GPC3: variants seen among roughly 807,000 people sequenced by gnomAD.
GPC3 encodes glypican 3.
GPC3 carries 3 observed loss-of-function variants against 34.4 expected under a neutral mutation model. The observed-to-expected ratio is 0.09, with a 90% confidence interval of 0.04 to 0.23. The LOEUF is 0.23. Ranked by LOEUF, GPC3 falls within the 10% of genes least tolerant of loss-of-function variation. The probability of loss-of-function intolerance (pLI) is 1.00; values close to 1 mark genes in which losing one functional copy is unlikely to be tolerated. For missense variants in GPC3, 351 were observed against 445.6 expected, an observed-to-expected ratio of 0.79 and a Z score of 1.91; for synonymous variants, 177 against 174.0, an observed-to-expected ratio of 1.02 and a Z score of -0.13.
chrX:133,879,029 A>C (rs2076029724), intron 2 of GPC3, among the ~76,000 whole-genome samples: 2 of 111,156 alleles, frequency 1.8e-5, no homozygotes, highest in African/African-American at 6.5e-5. Context: ...ATATAAGACA[A>C]ATATAGGGAA....
At chrX:133,942,168 A>C (rs1321074794) in intron 2 of GPC3, among the ~76,000 whole-genome samples, 1 of 112,228 alleles carries the variant, frequency 8.9e-6, no homozygotes, top group Non-Finnish European at 1.9e-5. Context: ...TAAAAGTTAA[A>C]GTATTTAAAA....
intron 2 of GPC3, among the ~76,000 whole-genome samples, chrX:133,813,927 G>C (rs893779487): frequency 1.8e-5 from 2 of 112,141 alleles, no homozygotes; most frequent in African/African-American, 6.5e-5. Context: ...TGGATGGCCT[G>C]CATCATATAA....
intron 6 of GPC3, among the ~76,000 whole-genome samples, chrX:133,609,320 T>C (rs1051705793): frequency 8.9e-6 from 1 of 112,515 alleles, no homozygotes; most frequent in African/African-American, 3.2e-5. Flanking sequence ...AGTTATATTC[T>C]GCAGCTACCA....
intron 2 of GPC3, among the ~76,000 whole-genome samples, chrX:133,882,399 C>T (rs1044348157): frequency 1.8e-5 from 2 of 111,549 alleles, no homozygotes; most frequent in Non-Finnish European, 3.8e-5. Context: ...ATTTTTGCTC[C>T]TGAAAGACAC....
intron 7 of GPC3, among the ~76,000 whole-genome samples, chrX:133,550,371 C>T (rs1367881907): frequency 9.0e-6 from 1 of 111,296 alleles, no homozygotes; most frequent in African/African-American, 3.3e-5. Flanking sequence ...AGGAAGCCTT[C>T]CCTTCTCACT....
chrX:133,931,073 T>C (rs775959400), intron 2 of GPC3, among the ~76,000 whole-genome samples: 2 of 112,108 alleles, frequency 1.8e-5, no homozygotes, highest in Non-Finnish European at 3.8e-5. Flanking sequence ...GTTCAAGTCA[T>C]GGCAAGGTAC....
chrX:133,553,221 C>T (rs1459978882), intron 7 of GPC3, among the ~76,000 whole-genome samples: 1 of 111,326 alleles, frequency 9.0e-6, no homozygotes. Flanking sequence ...ACAAATACAT[C>T]GTGTGATTGG....
intron 6 of GPC3, among the ~76,000 whole-genome samples, chrX:133,615,742 T>C (rs2070155436): frequency 9.4e-6 from 1 of 106,637 alleles, no homozygotes; most frequent in East Asian, 2.9e-4. Context: ...ATCCTAGAAC[T>C]TCAGGTATAA....
chrX:133,793,973 T>C (rs1364498504), intron 2 of GPC3, among the ~76,000 whole-genome samples: 5 of 111,821 alleles, frequency 4.5e-5, no homozygotes, highest in Non-Finnish European at 9.4e-5. Context: ...CCTTTTAGCA[T>C]CACTTAAACT....
intron 6 of GPC3, among the ~76,000 whole-genome samples, chrX:133,632,000 G>A (rs1162630060): frequency 9.0e-6 from 1 of 111,188 alleles, no homozygotes; most frequent in Non-Finnish European, 1.9e-5. Flanking sequence ...ATGTGTGTGT[G>A]TGCATGCATG....
At chrX:133,768,307 C>A (rs1050271099) in intron 2 of GPC3, among the ~76,000 whole-genome samples, 1 of 111,580 alleles carries the variant, frequency 9.0e-6, no homozygotes, top group Non-Finnish European at 1.9e-5. Context: ...ACTCCATGGA[C>A]CTTTTCATGA....
At chrX:133,598,363 A>T (rs1283251750) in intron 6 of GPC3, among the ~76,000 whole-genome samples, 1 of 108,187 alleles carries the variant, frequency 9.2e-6, no homozygotes. Context: ...AGGTCTCACT[A>T]TGTTGCCCAG....
chrX:133,640,743 C>T (rs972758372), intron 6 of GPC3, among the ~76,000 whole-genome samples: 1 of 112,327 alleles, frequency 8.9e-6, no homozygotes, highest in African/African-American at 3.2e-5. Context: ...TTATTTCATA[C>T]CCTCTATTTT....
chrX:133,772,625 G>A (rs2071934959), intron 2 of GPC3, among the ~76,000 whole-genome samples: 1 of 111,846 alleles, frequency 8.9e-6, no homozygotes, highest in African/African-American at 3.3e-5. Flanking sequence ...AATCTGGGTT[G>A]AGTATCATGG....
At chrX:133,763,015 G>A in intron 2 of GPC3, 2 of 738,163 alleles carry the variant, frequency 2.7e-6, no homozygotes, top group South Asian at 2.1e-5. Context: ...CCCTGCTGAT[G>A]TCAGTGTCAT....
At chrX:133,563,511 A>C (rs2069556600) in intron 7 of GPC3, among the ~76,000 whole-genome samples, 1 of 112,557 alleles carries the variant, frequency 8.9e-6, no homozygotes, top group Non-Finnish European at 1.9e-5. Context: ...TTTTGCTCAA[A>C]AGAGAAAATA....
chrX:133,858,941 C>T (rs1603261216), intron 2 of GPC3, among the ~76,000 whole-genome samples: 1 of 109,266 alleles, frequency 9.2e-6, no homozygotes, highest in East Asian at 2.9e-4. Context: ...ATTAGCCGGG[C>T]ATGGTGGCAG....
chrX:133,969,416 C>A (rs1015006641), intron 1 of GPC3, among the ~76,000 whole-genome samples: 1 of 112,034 alleles, frequency 8.9e-6, no homozygotes, highest in Non-Finnish European at 1.9e-5. Flanking sequence ...CCCTAAGCCA[C>A]AACAATGCCT....
intron 1 of GPC3, among the ~76,000 whole-genome samples, chrX:133,970,701 C>T (rs1193685630): frequency 9.9e-6 from 1 of 100,956 alleles, no homozygotes; most frequent in Non-Finnish European, 2.0e-5. Flanking sequence ...ATCTGCGACT[C>T]TATGCAAAAA....
Sources: allele counts gnomAD v4.1 joint callset (sites outside exome capture counted in the v4.1 genomes callset), GRCh38; gene constraint gnomAD v4.1.1; transcripts MANE v1.5; gene names NCBI Gene and HGNC (gene_info 2026-07-23, HGNC 2026-07-21).